EIF2AK1: variants seen among roughly 807,000 people sequenced by gnomAD.
The protein encoded by EIF2AK1 is eukaryotic translation initiation factor 2 alpha kinase 1.
A neutral mutation model predicts 77.9 loss-of-function variants in EIF2AK1; 54 were observed. That is an observed-to-expected ratio of 0.69 (90% CI 0.56 to 0.87). EIF2AK1 has a LOEUF of 0.87. Ranked by LOEUF, EIF2AK1 falls within the 40% of genes least tolerant of loss-of-function variation. The pLI, the probability that EIF2AK1 is intolerant of heterozygous loss-of-function variation, is 0.00. For missense variants in EIF2AK1, 810 were observed against 768.6 expected, an observed-to-expected ratio of 1.05 and a Z score of -0.64; for synonymous variants, 314 against 290.5, an observed-to-expected ratio of 1.08 and a Z score of -0.82.
intron 4 of EIF2AK1, among the ~76,000 whole-genome samples, chr7:6,048,192 T>C (rs1482061797): frequency 1.3e-5 from 2 of 152,140 alleles, no homozygotes; most frequent in Non-Finnish European, 2.9e-5. Flanking sequence ...TTTCAGAATA[T>C]TTTCATCACC....
chr7:6,054,178 T>C (rs1002467495), intron 2 of EIF2AK1, among the ~76,000 whole-genome samples: 3 of 151,484 alleles, frequency 2.0e-5, no homozygotes, highest in African/African-American at 4.9e-5. Flanking sequence ...CATGAATAAG[T>C]GAGAACAGCA....
chr7:6,025,323 G>A (rs1426868589), intron 14 of EIF2AK1, among the ~76,000 whole-genome samples: 4 of 151,968 alleles, frequency 2.6e-5, no homozygotes, highest in East Asian at 1.9e-4. Flanking sequence ...AGCTCACACC[G>A]GCTAATTTTT....
At position 6,028,616 on chromosome 7, in the gene EIF2AK1, T is replaced by C; in HGVS notation, c.1529A>G (p.Lys510Arg). The C allele has an allele frequency of 1.2e-5, 19 of 1,614,034 alleles. No individual in the cohort carries two copies. The highest frequency in any genetic ancestry group is 1.5e-5 in the Non-Finnish European group (18 of 1,179,872). Residue 510 changes from lysine to arginine, a missense_variant and splice_region_variant, in exon 13 of 15, where the codon AAG becomes AGG. Coordinates refer to ENST00000199389, the MANE Select transcript of EIF2AK1 (RefSeq NM_014413.4). ...AGGGCAGAAAGCAACAAATACTACC[T>C]TGGCATCATACTCAGATCCTTCCAA... ...EQLEGSEYDA[K>R]SDMYSLGVVL... is the part of the protein sequence containing the mutation.
chr7:6,025,389 T>A (rs897117802), intron 14 of EIF2AK1, among the ~76,000 whole-genome samples: 2 of 85,048 alleles, frequency 2.4e-5, no homozygotes, highest in Non-Finnish European at 5.2e-5. Flanking sequence ...CTTGAACTCC[T>A]GACCTCATGA....
chr7:6,034,892 TAC>T (rs1464390077), intron 11 of EIF2AK1, among the ~76,000 whole-genome samples: 1 of 152,162 alleles, frequency 6.6e-6, no homozygotes, highest in Non-Finnish European at 1.5e-5. Flanking sequence ...TTCTGCTCCC[TAC>T]ACACTCACGC....
At chr7:6,028,122 G>A (rs1562740874) in intron 13 of EIF2AK1, 2 of 345,768 alleles carry the variant, frequency 5.8e-6, no homozygotes, top group South Asian at 2.2e-5. Flanking sequence ...AAATGGTAAA[G>A]TAGGCAACAC....
Position 6,059,075 on chromosome 7 carries a change from C to T in EIF2AK1, c.9G>A (p.Gly3=). 7.1e-7 allele frequency: 1 copy of T among 1,416,242 alleles called. No homozygotes were observed. Among genetic ancestry groups the T allele is most frequent in the East Asian group, 3.0e-5 (1 of 33,114 alleles). 87.7% of individuals were successfully genotyped at this position (1,416,242 alleles called of 1,614,324 possible). The change falls in exon 1 of 15, where the codon GGG becomes GGA. Residue 3 remains glycine, a synonymous_variant. Transcript: ENST00000199389. The part of the protein sequence containing the change: MQ[G]GNSGVRKREE... ...CGCGCTTGCGGACCCCGGAGTTGCC[C>T]CCCTGCATCGCCGGCCGCGCGCGGG... is the stretch of plus-strand genomic sequence containing the variant.
At chr7:6,049,653 T>G in intron 3 of EIF2AK1, 2 of 261,310 alleles carry the variant, frequency 7.7e-6, no homozygotes, top group South Asian at 1.0e-4. Flanking sequence ...TTCAGGCAGG[T>G]TCTCACTCTG....
intron 6 of EIF2AK1, 95 bp downstream of exon 6, chr7:6,045,976 C>T: frequency 1.5e-6 from 1 of 683,582 alleles, no homozygotes; most frequent in Non-Finnish European, 2.3e-6. Context: ...TCCACACCGC[C>T]TACTTTTGCC....
Position 6,036,150 on chromosome 7 carries a change from C to CT in EIF2AK1, c.1332+1273dup, listed in dbSNP as rs1206454257. 6.5e-7 allele frequency: 1 copy of CT among 1,550,130 alleles called. No individual in the cohort carries two copies. Among genetic ancestry groups the CT allele is most frequent in the African/African-American group, 1.4e-5 (1 of 73,026 alleles). On this transcript the variant is annotated intron_variant, in intron 11 of 14. Transcript: ENST00000199389. The surrounding 1 kb of genome is among the most constrained non-coding windows in gnomAD (Gnocchi z 4.6). ...CAGGCTACTTTATCACACTTATCCT[C>CT]TGAGAATGACCAATAACCAAGGAAT...
rs980922421 is a variant in EIF2AK1, at chr7:6,036,686, T to G, written c.1332+738A>C. ...ATTTTCTCTCTTTCTTGATAGCCTT[T>G]TGTGGATAAAAATCAAATAGTCATT... On this transcript the variant is annotated intron_variant, in intron 11 of 14. Transcript: ENST00000199389. The surrounding 1 kb of genome is among the most constrained non-coding windows in gnomAD (Gnocchi z 4.6). Among the ~76,000 whole-genome samples the G allele has an allele frequency of 6.6e-6, 1 of 152,132 alleles. No individual in the cohort carries two copies. Among genetic ancestry groups the G allele is most frequent in the African/African-American group, 2.4e-5 (1 of 41,442 alleles).
At chr7:6,028,072 A>C (rs1787801920) in intron 13 of EIF2AK1, 1 of 358,768 alleles carries the variant, frequency 2.8e-6, no homozygotes, top group Non-Finnish European at 5.5e-6. Flanking sequence ...CAAAAACAAC[A>C]AATGAACAAA....
chr7:6,054,605 A>G lies in EIF2AK1; in HGVS notation c.218T>C (p.Leu73Pro), dbSNP rs574400943. 2.5e-6 allele frequency: 4 copies of G among 1,614,202 alleles called. No individual in the cohort carries two copies. In the East Asian group the frequency reaches 6.7e-5, roughly 27 times the overall value. ...VANQLLLVSL[L>P]EHLSHVHEPN... Reference sequence around the variant, plus strand: ...TTCATGCACGTGGCTCAAGTGCTCCAGCAAAGAAACCAGCAAGAGTTGGTT... The same window carrying G: ...TTCATGCACGTGGCTCAAGTGCTCCGGCAAAGAAACCAGCAAGAGTTGGTT... Residue 73 changes from leucine (L) to proline (P), a missense_variant, in exon 2 of 15, where the codon CTG becomes CCG. By Grantham distance (98) the Leu-to-Pro change is moderately conservative. Around this residue, in one of 3 missense-constraint regions of EIF2AK1, gnomAD observed 246 missense variants for 199.0 expected, o/e 1.24. Transcript: ENST00000199389.
intron 11 of EIF2AK1, among the ~76,000 whole-genome samples, chr7:6,037,069 A>G (rs1788120763): frequency 6.6e-6 from 1 of 152,054 alleles, no homozygotes; most frequent in Non-Finnish European, 1.5e-5. Context: ...CTCTACAAAA[A>G]AAAATTTAAA....
intron 2 of EIF2AK1, among the ~76,000 whole-genome samples, chr7:6,054,283 C>A (rs187571355): frequency 3.9e-4 from 59 of 152,274 alleles, no homozygotes; most frequent in African/African-American, 1.3e-3. Flanking sequence ...CGGCTCACTG[C>A]AACCTCCACC....
intron 11 of EIF2AK1, among the ~76,000 whole-genome samples, chr7:6,030,091 C>T (rs1215373004): frequency 2.0e-5 from 3 of 152,096 alleles, no homozygotes; most frequent in Non-Finnish European, 2.9e-5. Context: ...ATCTAAGCAC[C>T]GGCAGCCAGC....
intron 13 of EIF2AK1, 114 bp downstream of exon 13, chr7:6,028,501 C>A: frequency 2.0e-6 from 2 of 981,048 alleles, no homozygotes; most frequent in South Asian, 2.8e-5. Context: ...ATCCACCCAC[C>A]TCGGCCTCCC....
At position 6,022,665 on chromosome 7, in the gene EIF2AK1, C is replaced by G. The variant is rs547275485; in HGVS notation, c.*2008G>C. 1 of 152,118 alleles carries G rather than the reference C, an allele frequency of 6.6e-6. No individual in the cohort carries two copies. Among genetic ancestry groups the G allele is most frequent in the African/African-American group, 2.4e-5 (1 of 41,444 alleles). 9.4% of individuals were successfully genotyped at this position (152,118 alleles called of 1,614,324 possible). A position where few individuals can be genotyped will look rare whatever the true frequency, so the allele number is the denominator to read the frequency against. On this transcript the variant is annotated 3_prime_UTR_variant, in exon 15 of 15. Coordinates refer to ENST00000199389, the MANE Select transcript of EIF2AK1 (RefSeq NM_014413.4). The stretch of plus-strand genomic sequence containing the variant: ...TGTTCGTCTGCAAAATTTAGGGTCT[C>G]TGAGTGAGACACAGCTCAAGGGGGG...
At chr7:6,057,568 G>C (rs1274054430) in intron 1 of EIF2AK1, 1 of 120,960 alleles carries the variant, frequency 8.3e-6, no homozygotes, top group African/African-American at 3.2e-5. Context: ...TCCCGCACAA[G>C]AATGAAACAC....
Sources: allele counts gnomAD v4.1 joint callset (sites outside exome capture counted in the v4.1 genomes callset), GRCh38; gene constraint gnomAD v4.1.1; regional missense constraint gnomAD v4.1.1; non-coding constraint Gnocchi (gnomAD v3.1); transcripts MANE v1.5; gene names NCBI Gene and HGNC (gene_info 2026-07-23, HGNC 2026-07-21).